Variants in TBC1D21 observed in about 807,000 individuals in gnomAD.
TBC1D21 encodes TBC1 domain family member 21, also known as male germ cell Rab GTPase-activating protein.
Under a neutral mutation model 46.0 loss-of-function variants are expected in TBC1D21, and 38 were observed. That is an observed-to-expected ratio of 0.83 (90% CI 0.64 to 1.08). The LOEUF is 1.08. Among genes scored for constraint, TBC1D21 ranks in the 50% least tolerant of loss-of-function variants. The pLI, the probability that TBC1D21 is intolerant of heterozygous loss-of-function variation, is 0.00. For missense variants in TBC1D21, 415 were observed against 417.9 expected (o/e 0.99, Z 0.06); for synonymous variants, 151 against 157.2 (o/e 0.96, Z 0.29).
the TBC1D21 span, among the ~76,000 whole-genome samples, chr15:73,906,287 G>A: frequency 6.6e-6 from 1 of 152,230 alleles, no homozygotes; most frequent in Non-Finnish European, 1.5e-5. Context: ...GGCTAGGGAA[G>A]TGGGAGACGT....
chr15:73,886,064 AC>A lies in TBC1D21; in HGVS notation c.580-12del, dbSNP rs1453123863. 3.7e-6 allele frequency: 6 copies of A among 1,613,410 alleles called. No homozygotes were observed. Among genetic ancestry groups the A allele is most frequent in the Non-Finnish European group, 5.1e-6 (6 of 1,179,488 alleles). ...CCAAGGGGGACTCAGTCTGTCTCCCACCATCGTGTGCAGGAACACAGCTGTG... is the reference window on the plus strand; with the variant it reads ...CCAAGGGGGACTCAGTCTGTCTCCCACATCGTGTGCAGGAACACAGCTGTG... On this transcript the variant is annotated splice_polypyrimidine_tract_variant and intron_variant, in intron 6 of 10. Coordinates refer to ENST00000300504, the MANE Select transcript of TBC1D21 (RefSeq NM_153356.3).
intron 10 of TBC1D21, 99 bp from the exon 11 acceptor site, chr15:73,888,970 G>C: frequency 1.4e-6 from 2 of 1,457,590 alleles, no homozygotes; most frequent in Admixed American, 1.9e-5. Flanking sequence ...CAGTGGGTCT[G>C]GGCACCCAGA....
At chr15:73,885,918 C>T (rs980983645) in intron 6 of TBC1D21, among the ~76,000 whole-genome samples, 160 bp from the exon 7 acceptor site, 29 of 152,080 alleles carry the variant, frequency 1.9e-4, no homozygotes, top group Non-Finnish European at 2.9e-5. Context: ...GATATGTATG[C>T]ACACACTCAC....
chr15:73,909,188 A>G, the TBC1D21 span, among the ~76,000 whole-genome samples: 1 of 152,186 alleles, frequency 6.6e-6, no homozygotes, highest in Admixed American at 6.5e-5. Flanking sequence ...CGTGGACAAC[A>G]TGGTGAAACC....
chr15:73,873,856 C>A, intron 1 of TBC1D21, 87 bp downstream of exon 1: 1 of 1,461,820 alleles, frequency 6.8e-7, no homozygotes, highest in Non-Finnish European at 9.4e-7. Flanking sequence ...GTAGGAAAAG[C>A]TAGAACCCTG....
chr15:73,881,575 G>A (rs2068155524), intron 2 of TBC1D21, 69 bp downstream of exon 2: 3 of 1,602,062 alleles, frequency 1.9e-6, no homozygotes, highest in East Asian at 4.5e-5. Context: ...GGCAGGTGTG[G>A]CGTTGGATGA....
At chr15:73,885,653 C>A (rs1458183109) in intron 6 of TBC1D21, among the ~76,000 whole-genome samples, 2 of 151,402 alleles carry the variant, frequency 1.3e-5, no homozygotes, top group East Asian at 3.9e-4. Flanking sequence ...TGCCCAGAAC[C>A]CTCCCTCATC....
chr15:73,884,951 G>A (rs2068216683), intron 5 of TBC1D21, 52 bp from the exon 6 acceptor site: 3 of 1,608,690 alleles, frequency 1.9e-6, no homozygotes, highest in Non-Finnish European at 2.6e-6. Context: ...CTAAGCCAAG[G>A]GTCCAGGCTC....
At chr15:73,886,691 C>A in intron 8 of TBC1D21, 79 bp downstream of exon 8, 1 of 1,313,356 alleles carries the variant, frequency 7.6e-7, no homozygotes, top group Non-Finnish European at 1.1e-6. Flanking sequence ...TCCTTGCCTC[C>A]CCCTTTCTTC....
chr15:73,906,303 G>A, the TBC1D21 span, among the ~76,000 whole-genome samples: 1 of 152,196 alleles, frequency 6.6e-6, no homozygotes, highest in Non-Finnish European at 1.5e-5. Context: ...GACGTATGTG[G>A]GAGGAGGTCG....
At chr15:73,890,617 T>C (rs1005970657), downstream of TBC1D21, among the ~76,000 whole-genome samples, 4 of 152,206 alleles carry the variant, frequency 2.6e-5, no homozygotes, top group Non-Finnish European at 4.4e-5. Context: ...GAACAATCAA[T>C]AGAAACATCA....
chr15:73,895,086 C>T, the TBC1D21 span, among the ~76,000 whole-genome samples: 27 of 152,250 alleles, frequency 1.8e-4, no homozygotes, highest in Non-Finnish European at 3.4e-4. Context: ...TTCCCAGGGC[C>T]CACCAATTAA....
At chr15:73,875,649 C>A in intron 1 of TBC1D21, among the ~76,000 whole-genome samples, 1 of 152,116 alleles carries the variant, frequency 6.6e-6, no homozygotes, top group East Asian at 1.9e-4. Flanking sequence ...CTCAGGTTTG[C>A]TGATGTAGAA....
chr15:73,897,851 A>G, the TBC1D21 span, among the ~76,000 whole-genome samples: 4 of 152,142 alleles, frequency 2.6e-5, no homozygotes, highest in Non-Finnish European at 4.4e-5. Context: ...GGACCAGGGG[A>G]GCCTCGGGTT....
the TBC1D21 span, among the ~76,000 whole-genome samples, chr15:73,905,370 C>T: frequency 6.6e-6 from 1 of 152,156 alleles, no homozygotes; most frequent in Non-Finnish European, 1.5e-5. Flanking sequence ...ATAATGCTCC[C>T]TTGAGTTATT....
the TBC1D21 span, among the ~76,000 whole-genome samples, chr15:73,907,267 C>T: frequency 6.6e-6 from 1 of 152,188 alleles, no homozygotes; most frequent in East Asian, 1.9e-4. Flanking sequence ...TGTCTGTCAA[C>T]ATGAATTTCT....
At chr15:73,909,367 T>C in the TBC1D21 span, among the ~76,000 whole-genome samples, 1 of 98,692 alleles carries the variant, frequency 1.0e-5, no homozygotes, top group African/African-American at 3.2e-5. Flanking sequence ...CGAGACTCCA[T>C]CTCAAAAAAA....
Position 73,888,491 on chromosome 15 carries a change from A to G in TBC1D21, c.956A>G (p.Tyr319Cys). ...CTGATCTCTGCCGCCTGCGTGGTTT[A>G]TGCTGAGCTCATCCAGAAGGATGTA... Reference protein sequence around the residue: ...DELISAACVVYAELIQKDVPQ... With the variant: ...DELISAACVVCAELIQKDVPQ... Residue 319 changes from tyrosine (Y) to cysteine (C), a missense_variant, in exon 10 of 11, where the codon TAT becomes TGT. Transcript: ENST00000300504. 6.2e-7 allele frequency: 1 copy of G among 1,613,970 alleles called. No individual in the cohort carries two copies. The highest frequency in any genetic ancestry group is 2.2e-5 in the East Asian group (1 of 44,874).
Position 73,884,900 on chromosome 15 carries a change from CAG to C in TBC1D21, c.478+10_478+11del. On this transcript the variant is annotated intron_variant, in intron 5 of 10. Coordinates refer to ENST00000300504, the MANE Select transcript of TBC1D21 (RefSeq NM_153356.3). ...CTGCAACACGCAGGCAGGTGAGCCT[CAG>C]CCTCCCCTTGTCAATGCCCTCCCAG... 6.2e-7 allele frequency: 1 copy of C among 1,613,010 alleles called. No homozygotes were observed. The highest frequency in any genetic ancestry group is 1.1e-5 in the South Asian group (1 of 91,042).
Sources: allele counts gnomAD v4.1 joint callset (sites outside exome capture counted in the v4.1 genomes callset), GRCh38; gene constraint gnomAD v4.1.1; transcripts MANE v1.5; gene names NCBI Gene and HGNC (gene_info 2026-07-23, HGNC 2026-07-21).